Variants in SESN3 observed in about 807,000 individuals in gnomAD.
The protein encoded by SESN3 is sestrin-3.
SESN3 carries 21 observed loss-of-function variants against 55.3 expected under a neutral mutation model. The ratio of observed to expected loss-of-function variants is 0.38; its 90% confidence interval spans 0.27 to 0.55. The LOEUF (loss-of-function observed/expected upper bound fraction) is 0.55, where lower values mean the gene tolerates loss of function less well. Among genes scored for constraint, SESN3 ranks in the 20% least tolerant of loss-of-function variants. SESN3 has a pLI of 0.76. For synonymous variants in SESN3, 181 were observed against 203.1 expected (o/e 0.89, Z 0.93); for missense variants, 408 against 604.3 (o/e 0.68, Z 3.41).
In SESN3 at chr11:95,184,111, A is replaced by C. The variant is rs1178927369; in HGVS notation, c.937+309T>G. The C allele has an allele frequency of 2.6e-5, 10 of 381,714 alleles. No individual in the cohort carries two copies. In the East Asian group the frequency reaches 3.8e-4, roughly 15 times the overall value. 23.6% of individuals were successfully genotyped at this position (381,714 alleles called of 1,614,324 possible). A position where few individuals can be genotyped will look rare whatever the true frequency, so the allele number is the denominator to read the frequency against. On this transcript the variant is annotated intron_variant, in intron 6 of 9. Coordinates refer to ENST00000536441, the MANE Select transcript of SESN3 (RefSeq NM_144665.4). ...ATATTTCACTTATCATTTTTAAAAAATCACAAAAGTAGGATAAATTAAATA... is the reference window on the plus strand; with the variant it reads ...ATATTTCACTTATCATTTTTAAAAACTCACAAAAGTAGGATAAATTAAATA...
At chr11:95,177,112 A>G (rs1859971891) in intron 8 of SESN3, among the ~76,000 whole-genome samples, 1 of 152,158 alleles carries the variant, frequency 6.6e-6, no homozygotes, top group Non-Finnish European at 1.5e-5. Context: ...AAGCCTCAAA[A>G]CCACAACTCA....
intron 1 of SESN3, among the ~76,000 whole-genome samples, chr11:95,219,918 A>G (rs564940533): frequency 6.6e-6 from 1 of 152,316 alleles, no homozygotes; most frequent in Admixed American, 6.5e-5. Flanking sequence ...ATGCCTGAAC[A>G]TACCTGTAAT....
rs1034031378 is a variant in SESN3 at position 95,170,885 on chromosome 11, T to A, written c.*2370A>T. The A allele has an allele frequency of 2.6e-5, 4 of 152,146 alleles. No homozygotes were observed. Among genetic ancestry groups the A allele is most frequent in the Non-Finnish European group, 5.9e-5 (4 of 68,018 alleles). The allele number at this position is 152,146 out of a possible 1,614,324, so 9.4% of individuals were successfully genotyped here. On this transcript the variant is annotated 3_prime_UTR_variant, in exon 10 of 10. Transcript: ENST00000536441. ...AAAAGAAACTTTGCAAGGAAAGAGATCTATTAAAGGCACTAATATTTCCAT... is the reference window on the plus strand; with the variant it reads ...AAAAGAAACTTTGCAAGGAAAGAGAACTATTAAAGGCACTAATATTTCCAT...
chr11:95,229,121 C>G (rs571862156), intron 1 of SESN3, among the ~76,000 whole-genome samples: 1 of 152,294 alleles, frequency 6.6e-6, no homozygotes, highest in Non-Finnish European at 1.5e-5. Flanking sequence ...TCATTTTAAC[C>G]AGGCTGCACT....
chr11:95,205,638 G>A (rs1591066373), intron 1 of SESN3, among the ~76,000 whole-genome samples: 1 of 151,994 alleles, frequency 6.6e-6, no homozygotes, highest in Admixed American at 6.6e-5. Context: ...AGCAATCCAG[G>A]GATTATGCTT....
At chr11:95,228,468 CAAGAT>C (rs966868679) in intron 1 of SESN3, among the ~76,000 whole-genome samples, 2 of 152,102 alleles carry the variant, frequency 1.3e-5, no homozygotes, top group Admixed American at 6.5e-5. Flanking sequence ...AAATGGAAAA[CAAGAT>C]AAACTCTAAG....
chr11:95,224,193 CTTT>C (rs1458949694), intron 1 of SESN3, among the ~76,000 whole-genome samples: 1 of 152,122 alleles, frequency 6.6e-6, no homozygotes, highest in Non-Finnish European at 1.5e-5. Context: ...GAATATTTTT[CTTT>C]GATACCACAC....
In SESN3 at chr11:95,230,636, C is replaced by T; in HGVS notation, c.78+147G>A. On this transcript the variant is annotated intron_variant, in intron 1 of 9. Coordinates refer to ENST00000536441, the MANE Select transcript of SESN3 (RefSeq NM_144665.4). The surrounding 1 kb of genome is among the most constrained non-coding windows in gnomAD (Gnocchi z 4.6). The stretch of plus-strand genomic sequence containing the variant: ...GTAGTCCAAACCCTCCTGCCCTCAA[C>T]CCACGCCCCCTTTCTCAGTCCCTGC... 1.6e-6 allele frequency: 1 copy of T among 611,020 alleles called. No individual in the cohort carries two copies. The highest frequency in any genetic ancestry group is 2.8e-6 in the Non-Finnish European group (1 of 354,900). 37.8% of individuals were successfully genotyped at this position (611,020 alleles called of 1,614,324 possible). A position where few individuals can be genotyped will look rare whatever the true frequency, so the allele number is the denominator to read the frequency against.
chr11:95,224,099 A>G (rs1860907614), intron 1 of SESN3, among the ~76,000 whole-genome samples: 1 of 152,172 alleles, frequency 6.6e-6, no homozygotes. Flanking sequence ...ATTTTCCCCA[A>G]TCTGTTGTGA....
At chr11:95,201,637 T>C (rs1461013340) in intron 1 of SESN3, among the ~76,000 whole-genome samples, 1 of 152,012 alleles carries the variant, frequency 6.6e-6, no homozygotes, top group Non-Finnish European at 1.5e-5. Context: ...ACCCCAGAAT[T>C]ATACAAATCT....
chr11:95,204,920 A>G (rs1457430863), intron 1 of SESN3: 1 of 152,210 alleles, frequency 6.6e-6, no homozygotes, highest in Non-Finnish European at 1.5e-5. Context: ...CAGGTAAATA[A>G]GTATGGATGC....
chr11:95,205,158 G>A (rs963642896), intron 1 of SESN3, among the ~76,000 whole-genome samples: 2 of 152,200 alleles, frequency 1.3e-5, no homozygotes, highest in African/African-American at 4.8e-5. Flanking sequence ...AGGGAACTAT[G>A]TTGTTCTACA....
chr11:95,223,734 T>C (rs1234446253), intron 1 of SESN3, among the ~76,000 whole-genome samples: 1 of 152,108 alleles, frequency 6.6e-6, no homozygotes, highest in African/African-American at 2.4e-5. Context: ...AATTACACCA[T>C]ATACTGGCAT....
At chr11:95,207,891 C>G (rs1860580537) in intron 1 of SESN3, among the ~76,000 whole-genome samples, 1 of 150,800 alleles carries the variant, frequency 6.6e-6, no homozygotes, top group African/African-American at 2.4e-5. Flanking sequence ...CCAGGCTGGT[C>G]TCGAACTCAA....
At chr11:95,180,677 C>T (rs1220233642) in intron 6 of SESN3, among the ~76,000 whole-genome samples, 1 of 152,036 alleles carries the variant, frequency 6.6e-6, no homozygotes, top group Non-Finnish European at 1.5e-5. Context: ...GGAAGAAATA[C>T]AATGTGTAGA....
At position 95,187,798 on chromosome 11, in the gene SESN3, G is replaced by C. The variant is rs74364117; in HGVS notation, c.525+1981C>G. ...AACTCACACTTTATCTTGAGTTACA[G>C]ACCTGTATTTCCTTTAGTAAGTGGA... On this transcript the variant is annotated intron_variant, in intron 4 of 9. Transcript: ENST00000536441. 5.2e-3 allele frequency among the ~76,000 whole-genome samples: 794 copies of C among 151,818 alleles called. 4 individuals are homozygous for C. The highest frequency in any genetic ancestry group is 0.02 in the Middle Eastern group (6 of 294).
rs1320943425 is a variant in SESN3 at position 95,166,262 on chromosome 11, CG to C, written c.*6992del. On this transcript the variant is annotated 3_prime_UTR_variant, in exon 10 of 10. Transcript: ENST00000536441. ...CTTACATTAGTCCAGTCACGTGCTT[CG>C]TAAAAAAAAAAAAAAAATTACAGTA... 1 of 132,058 alleles carries C rather than the reference CG, an allele frequency of 7.6e-6. No individual in the cohort carries two copies. The highest frequency in any genetic ancestry group is 2.6e-5 in the African/African-American group (1 of 37,904). The allele number at this position is 132,058 out of a possible 1,614,324, so 8.2% of individuals were successfully genotyped here. A position where few individuals can be genotyped will look rare whatever the true frequency, so the allele number is the denominator to read the frequency against.
chr11:95,202,109 TTC>T (rs1860470522), intron 1 of SESN3, among the ~76,000 whole-genome samples: 1 of 152,050 alleles, frequency 6.6e-6, no homozygotes, highest in Non-Finnish European at 1.5e-5. Context: ...GTTATATTGT[TTC>T]TCTCTCTTAT....
Position 95,230,716 on chromosome 11 carries a change from C to T in SESN3, c.78+67G>A. ...GCCTCCCCCAGTGCGCGCCCGGGGA[C>T]GAGCCGCCCGAGCCCCGGCCGGCAG... On this transcript the variant is annotated intron_variant, in intron 1 of 9. Transcript: ENST00000536441. The surrounding 1 kb of genome is among the most constrained non-coding windows in gnomAD (Gnocchi z 4.6). The T allele has an allele frequency of 1.6e-6, 2 of 1,263,634 alleles. No individual in the cohort carries two copies. Among genetic ancestry groups the T allele is most frequent in the Non-Finnish European group, 1.1e-6 (1 of 888,824 alleles). 78.3% of individuals were successfully genotyped at this position (1,263,634 alleles called of 1,614,324 possible).
Sources: allele counts gnomAD v4.1 joint callset (sites outside exome capture counted in the v4.1 genomes callset), GRCh38; gene constraint gnomAD v4.1.1; non-coding constraint Gnocchi (gnomAD v3.1); transcripts MANE v1.5; gene names NCBI Gene and HGNC (gene_info 2026-07-23, HGNC 2026-07-21).